Variants in MEIG1 observed in about 807,000 individuals in gnomAD.
MEIG1 encodes the protein meiosis/spermiogenesis associated 1.
Under a neutral mutation model 11.3 loss-of-function variants are expected in MEIG1, and 12 were observed. The ratio of observed to expected loss-of-function variants is 1.07; its 90% CI spans 0.68 to 1.73. The LOEUF (loss-of-function observed/expected upper bound fraction) is 1.73. Ranked by LOEUF, MEIG1 falls within the 40% of genes most tolerant of loss-of-function variation. The pLI is 0.00. For synonymous variants in MEIG1, 41 were observed against 33.2 expected (o/e 1.24, Z -0.81); for missense variants, 119 against 104.9 (o/e 1.13, Z -0.59).
intron 1 of MEIG1, among the ~76,000 whole-genome samples, chr10:14,985,016 G>T (rs753348185): frequency 1.3e-5 from 2 of 152,036 alleles, no homozygotes; most frequent in African/African-American, 2.4e-5. Context: ...TACACCCTTT[G>T]ATATTATTCG....
At chr10:14,974,280 T>G (rs1843187585), downstream of MEIG1, among the ~76,000 whole-genome samples, 1 of 152,162 alleles carries the variant, frequency 6.6e-6, no homozygotes, top group African/African-American at 2.4e-5. Flanking sequence ...TGGAGCCCTC[T>G]CCGCCTTTCA....
chr10:14,972,213 C>T (rs1378410670), intron 2 of MEIG1, among the ~76,000 whole-genome samples: 1 of 152,080 alleles, frequency 6.6e-6, no homozygotes, highest in Non-Finnish European at 1.5e-5. Flanking sequence ...CATTGTTTCA[C>T]CATGTTGGCC....
intron 2 of MEIG1, 119 bp from the exon 3 acceptor site, chr10:14,972,394 T>C: frequency 1.5e-6 from 2 of 1,338,938 alleles, no homozygotes. Flanking sequence ...TCAAGCATTC[T>C]AAAATCTAAT....
intron 1 of MEIG1, among the ~76,000 whole-genome samples, chr10:14,984,230 G>C (rs906126796): frequency 7.6e-5 from 10 of 131,670 alleles, no homozygotes; most frequent in Non-Finnish European, 1.3e-4. Flanking sequence ...CCCCTGCGAT[G>C]TGGATCGTAA....
chr10:14,983,904 A>G (rs1015890423), intron 1 of MEIG1, among the ~76,000 whole-genome samples: 1 of 152,004 alleles, frequency 6.6e-6, no homozygotes, highest in East Asian at 1.9e-4. Context: ...GTTACTTTCA[A>G]TATCGCATGG....
At chr10:14,960,125 A>T (rs1371029284) in intron 1 of MEIG1, among the ~76,000 whole-genome samples, 3 of 119,226 alleles carry the variant, frequency 2.5e-5, no homozygotes, top group Admixed American at 9.2e-5. Flanking sequence ...AGACCGGCTA[A>T]TGCTTCTCTT....
chr10:14,970,040 G>C (rs1843131865), intron 2 of MEIG1, among the ~76,000 whole-genome samples: 2 of 152,230 alleles, frequency 1.3e-5, no homozygotes, highest in Admixed American at 1.3e-4. Flanking sequence ...AGAGGGCTTA[G>C]TGTCCCCAGT....
At chr10:14,969,216 G>A (rs1005689629) in intron 2 of MEIG1, among the ~76,000 whole-genome samples, 2 of 152,180 alleles carry the variant, frequency 1.3e-5, no homozygotes, top group African/African-American at 2.4e-5. Flanking sequence ...GGAGGCTGAG[G>A]GTGAAGGATT....
rs976641515 is a variant in MEIG1, at chr10:14,964,110, AAAAAAG to A, written c.-29-2327_-29-2322del. On this transcript the variant is annotated intron_variant, in intron 1 of 2. Coordinates refer to ENST00000407572, the MANE Select transcript of MEIG1 (RefSeq NM_001080836.3). The stretch of plus-strand genomic sequence containing the variant: ...AGACTCCGTCTCAAAAAAAAAAAAA[AAAAAAG>A]AATACAATATAAACACTATAATATT... 2.6e-5 allele frequency among the ~76,000 whole-genome samples: 4 copies of A among 152,096 alleles called. No homozygotes were observed. The East Asian group carries it at 5.8e-4, about 22-fold the overall frequency.
chr10:14,961,335 A>G (rs1237676447), intron 1 of MEIG1, among the ~76,000 whole-genome samples: 1 of 152,240 alleles, frequency 6.6e-6, no homozygotes, highest in Non-Finnish European at 1.5e-5. Flanking sequence ...AAGTGGAGAT[A>G]TGAGTTGAAC....
intron 2 of MEIG1, among the ~76,000 whole-genome samples, chr10:14,968,805 G>A (rs949238938): frequency 3.3e-5 from 5 of 152,078 alleles, no homozygotes; most frequent in South Asian, 2.1e-4. Context: ...TGGGCTGGGC[G>A]TGTTGGCTCA....
chr10:14,973,292 T>C (rs12261415), downstream of MEIG1, among the ~76,000 whole-genome samples: 100,613 of 151,454 alleles, frequency 0.66, 33,592 homozygotes, highest in Admixed American at 0.69. Flanking sequence ...CCTATACCCA[T>C]TCCTGGCATT....
intron 2 of MEIG1, chr10:14,987,546 T>A (rs1191353677): frequency 7.7e-6 from 5 of 649,718 alleles, no homozygotes; most frequent in Non-Finnish European, 1.1e-5. Context: ...ATCTTTACAC[T>A]TGCAGACCAT....
chr10:14,975,097 A>T (rs749069483), downstream of MEIG1, among the ~76,000 whole-genome samples: 2 of 152,118 alleles, frequency 1.3e-5, no homozygotes. Flanking sequence ...GTTACTCCCA[A>T]TATAGCACTG....
intron 1 of MEIG1, among the ~76,000 whole-genome samples, chr10:14,986,185 C>T (rs148222961): frequency 1.0e-3 from 156 of 152,172 alleles, no homozygotes; most frequent in African/African-American, 3.5e-3. Flanking sequence ...ATTAGCTGGG[C>T]GTGCTGGCGC....
At chr10:14,979,565 G>A (rs934198121) in intron 1 of MEIG1, among the ~76,000 whole-genome samples, 1 of 151,910 alleles carries the variant, frequency 6.6e-6, no homozygotes, top group African/African-American at 2.4e-5. Context: ...ATTCTAGCGG[G>A]ATTTTACTTT....
chr10:14,967,241 T>G (rs1843096368), intron 2 of MEIG1, among the ~76,000 whole-genome samples: 1 of 152,210 alleles, frequency 6.6e-6, no homozygotes, highest in Non-Finnish European at 1.5e-5. Context: ...AATCAGTATG[T>G]TGGGTAACTA....
chr10:14,978,854 A>G (rs147399199), intron 1 of MEIG1, among the ~76,000 whole-genome samples: 2 of 152,042 alleles, frequency 1.3e-5, no homozygotes, highest in African/African-American at 4.8e-5. Context: ...GTGGTATGTT[A>G]CAACTTATGT....
intron 1 of MEIG1, among the ~76,000 whole-genome samples, chr10:14,964,564 A>AGTGTGTGTGTGTGTGT (rs151283080): frequency 1.9e-5 from 2 of 104,456 alleles, no homozygotes; most frequent in Non-Finnish European, 3.5e-5. Context: ...TGTATATAAG[A>AGTGTGTGTGTGTGTGT]GTGTGTGTGT....
Sources: gnomAD v4.1 joint callset for allele counts (sites outside exome capture counted in the v4.1 genomes callset) on GRCh38, gnomAD v4.1.1 for gene constraint, MANE v1.5 for transcripts, NCBI Gene and HGNC (gene_info 2026-07-23, HGNC 2026-07-21) for gene names.